Variants in CCDC60 observed in about 807,000 individuals in gnomAD.
CCDC60 encodes the protein coiled-coil domain containing 60.
A neutral mutation model predicts 63.5 loss-of-function variants in CCDC60; 54 were observed. That is an observed-to-expected ratio of 0.85 (90% CI 0.68 to 1.07). CCDC60 has a LOEUF of 1.07. Ranked by LOEUF, CCDC60 falls within the 50% of genes least tolerant of loss-of-function variation. The probability of loss-of-function intolerance (pLI) is 0.00; values close to 1 mark genes in which losing one functional copy is unlikely to be tolerated. For synonymous variants in CCDC60, 206 were observed against 238.8 expected (o/e 0.86, Z 1.27); for missense variants, 651 against 684.3 (o/e 0.95, Z 0.54).
intron 1 of CCDC60, among the ~76,000 whole-genome samples, chr12:119,416,157 G>A (rs544752648): frequency 3.7e-4 from 56 of 152,088 alleles, no homozygotes; most frequent in Non-Finnish European, 6.0e-4. Flanking sequence ...CAAGGCAGGC[G>A]GATCACCTGA....
chr12:119,355,672 G>A (rs1955709394), intron 1 of CCDC60, among the ~76,000 whole-genome samples: 1 of 152,238 alleles, frequency 6.6e-6, no homozygotes, highest in African/African-American at 2.4e-5. Context: ...CAGAACTGAT[G>A]CTCCTTGCAG....
intron 1 of CCDC60, among the ~76,000 whole-genome samples, chr12:119,381,186 A>G (rs534465207): frequency 6.6e-6 from 1 of 152,150 alleles, no homozygotes; most frequent in South Asian, 2.1e-4. Context: ...CCTCCCCATG[A>G]CCAGCACCAT....
chr12:119,340,640 A>C (rs1955522803), intron 1 of CCDC60, among the ~76,000 whole-genome samples: 1 of 152,284 alleles, frequency 6.6e-6, no homozygotes, highest in Admixed American at 6.5e-5. Flanking sequence ...AGGAGAACCA[A>C]CATATTTGAG....
At chr12:119,385,254 C>G (rs551362391) in intron 1 of CCDC60, among the ~76,000 whole-genome samples, 1 of 152,342 alleles carries the variant, frequency 6.6e-6, no homozygotes, top group East Asian at 1.9e-4. Flanking sequence ...CTCCCTTGCT[C>G]TCCAGCCTCC....
intron 4 of CCDC60, among the ~76,000 whole-genome samples, chr12:119,486,280 T>C (rs776362586): frequency 2.4e-4 from 36 of 152,172 alleles, no homozygotes; most frequent in Middle Eastern, 3.2e-3. Flanking sequence ...CTCATACCTA[T>C]AATCCCAGAG....
At chr12:119,355,272 G>A (rs1311109180) in intron 1 of CCDC60, among the ~76,000 whole-genome samples, 1 of 152,136 alleles carries the variant, frequency 6.6e-6, no homozygotes, top group Non-Finnish European at 1.5e-5. Context: ...GTTGGCCTGG[G>A]TTCAGGCACA....
chr12:119,459,287 G>A (rs1472620505), intron 2 of CCDC60, among the ~76,000 whole-genome samples: 2 of 152,164 alleles, frequency 1.3e-5, no homozygotes. Context: ...AGATTCAAGA[G>A]GTCTGGGGTG....
chr12:119,511,465 A>C (rs1425337535), intron 7 of CCDC60, among the ~76,000 whole-genome samples: 1 of 152,204 alleles, frequency 6.6e-6, no homozygotes, highest in East Asian at 1.9e-4. Context: ...TGAAGCTCTG[A>C]GTCTTGGAAC....
chr12:119,412,284 T>A (rs1476572837), intron 1 of CCDC60, among the ~76,000 whole-genome samples: 2 of 148,112 alleles, frequency 1.4e-5, no homozygotes, highest in African/African-American at 5.0e-5. Context: ...AAAAAAAAAA[T>A]GAGGTTAAAA....
intron 2 of CCDC60, chr12:119,447,962 A>G (rs1333462598): frequency 6.6e-6 from 1 of 151,992 alleles, no homozygotes; most frequent in African/African-American, 2.4e-5. Flanking sequence ...GCAAACAGGC[A>G]AACTCATCGA....
At position 119,490,102 on chromosome 12, in the gene CCDC60, TAA is replaced by T. The variant is rs1344961748; in HGVS notation, c.557+1237_557+1238del. ...TGAGCCACCGCGCCCGGCCAAACGT[TAA>T]GTCTTAATTAACTTCTTCCTCTTGA... On this transcript the variant is annotated intron_variant, in intron 5 of 13. Transcript: ENST00000327554. 6.6e-5 allele frequency among the ~76,000 whole-genome samples: 10 copies of T among 152,250 alleles called. No individual in the cohort carries two copies. The East Asian group carries it at 1.9e-3, about 29-fold the overall frequency.
Position 119,530,873 on chromosome 12 carries a change from G to A in CCDC60, c.1362-1G>A. 1 of 1,611,564 alleles carries A rather than the reference G, an allele frequency of 6.2e-7. No homozygotes were observed. The highest frequency in any genetic ancestry group is 1.3e-5 in the African/African-American group (1 of 74,818). The stretch of plus-strand genomic sequence containing the variant: ...CTTGTCCTCTCCTTTTGGAATTGAA[G>A]GTACTTTGATCTGTTGTCCAAACTG... On this transcript the variant is annotated splice_acceptor_variant, in intron 12 of 13. Coordinates refer to ENST00000327554, the MANE Select transcript of CCDC60 (RefSeq NM_178499.5). LOFTEE classifies it high-confidence loss of function.
At chr12:119,428,990 C>T (rs1017995470) in intron 2 of CCDC60, 3 of 423,730 alleles carry the variant, frequency 7.1e-6, no homozygotes, top group South Asian at 4.6e-5. Flanking sequence ...GCCTAGAATT[C>T]CCTCTGCTTT....
intron 6 of CCDC60, among the ~76,000 whole-genome samples, chr12:119,502,648 C>A (rs1014274282): frequency 2.0e-5 from 3 of 152,056 alleles, no homozygotes. Context: ...TAATTAATGG[C>A]AACTTTGGGA....
Position 119,505,097 on chromosome 12 carries a change from G to A in CCDC60, c.677G>A (p.Arg226Gln), listed in dbSNP as rs771418550. ...AAGAAATTCAAAATTCCCACAATGC[G>A]AGTCACCAACCGCAAACCAAGCCGG... The part of the protein sequence containing the change: ...KTKKFKIPTM[R>Q]VTNRKPSRRG... The change falls in exon 7 of 14, where the codon CGA becomes CAA. Residue 226 changes from arginine (R) to glutamine (Q), a missense_variant. By Grantham distance (43) the Arg-to-Gln change is conservative. Coordinates refer to ENST00000327554, the MANE Select transcript of CCDC60 (RefSeq NM_178499.5). 4.4e-6 allele frequency: 7 copies of A among 1,604,226 alleles called. No individual in the cohort carries two copies. Among genetic ancestry groups the A allele is most frequent in the East Asian group, 2.2e-5 (1 of 44,498 alleles).
At chr12:119,350,283 C>T (rs144488502) in intron 1 of CCDC60, among the ~76,000 whole-genome samples, 3,322 of 152,050 alleles carry the variant, frequency 0.022, 118 homozygotes, top group African/African-American at 0.076. Context: ...CTGCAACCAC[C>T]GCCTCCTGGG....
rs77509703 is a variant in CCDC60 at position 119,434,035 on chromosome 12, C to A, written c.170+5273C>A. Among the ~76,000 whole-genome samples, 669 of 152,278 alleles carry A rather than the reference C, an allele frequency of 4.4e-3. 6 individuals carry two copies. The highest frequency in any genetic ancestry group is 0.016 in the African/African-American group (648 of 41,548). The stretch of plus-strand genomic sequence containing the variant: ...TGAATGTTTTAAGGAAAATAAACAT[C>A]TCTGCAGTGAAAACAACTGCAATGT... On this transcript the variant is annotated intron_variant, in intron 2 of 13. Transcript: ENST00000327554.
intron 2 of CCDC60, among the ~76,000 whole-genome samples, chr12:119,430,877 G>C (rs920023992): frequency 6.6e-6 from 1 of 152,118 alleles, no homozygotes; most frequent in African/African-American, 2.4e-5. Flanking sequence ...AGACTAATAC[G>C]TAAGAGACAA....
chr12:119,488,920 G>A, intron 5 of CCDC60, 54 bp downstream of exon 5: 2 of 1,409,558 alleles, frequency 1.4e-6, no homozygotes, highest in East Asian at 4.6e-5. Context: ...GGGCAGTGGG[G>A]AAGAGATTCC....
Sources: gnomAD v4.1 joint callset for allele counts (sites outside exome capture counted in the v4.1 genomes callset) on GRCh38, gnomAD v4.1.1 for gene constraint, MANE v1.5 for transcripts, NCBI Gene and HGNC (gene_info 2026-07-23, HGNC 2026-07-21) for gene names.